ZFHX3: variants seen among roughly 807,000 people sequenced by gnomAD.
ZFHX3 encodes zinc finger homeobox protein 3.
In ZFHX3, 42 loss-of-function variants were observed where a neutral mutation model predicts 279.1. The ratio of observed to expected loss-of-function variants is 0.15; its 90% CI spans 0.12 to 0.19. The LOEUF (loss-of-function observed/expected upper bound fraction) is 0.19, where lower values mean the gene tolerates loss of function less well. Ranked by LOEUF, ZFHX3 falls within the 10% of genes least tolerant of loss-of-function variation. The probability of loss-of-function intolerance (pLI) is 1.00; values close to 1 mark genes in which losing one functional copy is unlikely to be tolerated. For synonymous variants in ZFHX3, 2,293 were observed against 1,957.8 expected (o/e 1.17, Z -4.52); for missense variants, 4,981 against 4,754.0 (o/e 1.05, Z -1.40).
At chr16:73,088,195 G>T (rs1398682505) in intron 8 of ZFHX3, among the ~76,000 whole-genome samples, 1 of 151,754 alleles carries the variant, frequency 6.6e-6, no homozygotes, top group Non-Finnish European at 1.5e-5. Context: ...ACCCAGGCTG[G>T]AGCACAGCGG....
At chr16:73,270,314 A>G (rs1249358213) in intron 4 of ZFHX3, among the ~76,000 whole-genome samples, 1 of 152,212 alleles carries the variant, frequency 6.6e-6, no homozygotes, top group Non-Finnish European at 1.5e-5. Flanking sequence ...AACTTATTTT[A>G]GTGGGAATTT....
chr16:72,897,621 T>C (rs2038931540), intron 3 of ZFHX3, among the ~76,000 whole-genome samples: 1 of 152,134 alleles, frequency 6.6e-6, no homozygotes, highest in Non-Finnish European at 1.5e-5. Context: ...TTAAATTTTT[T>C]GTAGAGACAG....
intron 1 of ZFHX3, among the ~76,000 whole-genome samples, chr16:73,762,482 T>C (rs1212987645): frequency 1.3e-5 from 2 of 152,180 alleles, no homozygotes; most frequent in African/African-American, 4.8e-5. Flanking sequence ...ACTGGGAATA[T>C]AACCAAAGTA....
chr16:73,859,437 A>G (rs1406893409), intron 1 of ZFHX3, among the ~76,000 whole-genome samples: 1 of 152,202 alleles, frequency 6.6e-6, no homozygotes, highest in East Asian at 1.9e-4. Flanking sequence ...GCCACCTGGT[A>G]CAAGGGGAAG....
intron 4 of ZFHX3, among the ~76,000 whole-genome samples, chr16:72,854,334 A>C (rs2037695577): frequency 6.6e-6 from 1 of 152,150 alleles, no homozygotes; most frequent in Non-Finnish European, 1.5e-5. Context: ...TCACTTCTAT[A>C]CCGAAAGAAA....
chr16:73,763,439 C>T (rs2053894236), intron 1 of ZFHX3, among the ~76,000 whole-genome samples: 1 of 152,134 alleles, frequency 6.6e-6, no homozygotes, highest in South Asian at 2.1e-4. Context: ...AATGATTCTG[C>T]CAAGCAGGAA....
At chr16:73,780,754 A>C (rs1478560726) in intron 1 of ZFHX3, among the ~76,000 whole-genome samples, 2 of 152,170 alleles carry the variant, frequency 1.3e-5, no homozygotes, top group Non-Finnish European at 2.9e-5. Flanking sequence ...ATTGCAGTTG[A>C]ATTCTGATGC....
At chr16:73,186,162 A>C (rs1967903246) in intron 5 of ZFHX3, among the ~76,000 whole-genome samples, 1 of 152,088 alleles carries the variant, frequency 6.6e-6, no homozygotes, top group Admixed American at 6.5e-5. Context: ...AAGTTGTATA[A>C]TTCATTATAT....
chr16:72,797,993 G>C lies in ZFHX3; in HGVS notation c.4689C>G (p.His1563Gln), dbSNP rs1402135346. The change falls in exon 9 of 10, where the codon CAC (histidine) becomes CAG (glutamine). Residue 1563 changes from histidine (H) to glutamine (Q), a missense_variant. Transcript: ENST00000268489. ...SFTQKNILLV[H>Q]YNSVSHLHKL... is the part of the protein sequence containing the mutation. ...TATGCAGGTGGGAGACAGAATTGTA[G>C]TGTACTAGCAGGATATTCTTTTGAG... is the stretch of plus-strand genomic sequence containing the variant. The C allele has an allele frequency of 6.2e-7, 1 of 1,614,106 alleles. No individual in the cohort carries two copies.
chr16:73,017,685 T>C (rs998263888), intron 1 of ZFHX3, among the ~76,000 whole-genome samples: 5 of 151,990 alleles, frequency 3.3e-5, no homozygotes, highest in Non-Finnish European at 5.9e-5. Context: ...TTTGCTAGCT[T>C]AGCACCCCAC....
chr16:73,682,997 AAGAAAGAAAGAAAGAGAAAGG>A (rs2053041661), intron 1 of ZFHX3, among the ~76,000 whole-genome samples: 1 of 83,606 alleles, frequency 1.2e-5, no homozygotes, highest in African/African-American at 3.1e-5. Context: ...AAAGAAAAGA[AAGAAAGAAAGAAAGAGAAAGG>A]AGGGAGGGAG....
At chr16:73,136,805 G>T (rs1425978172) in intron 6 of ZFHX3, among the ~76,000 whole-genome samples, 2 of 151,206 alleles carry the variant, frequency 1.3e-5, no homozygotes. Context: ...CAATTCTAGG[G>T]GTGCAGGGAA....
intron 1 of ZFHX3, among the ~76,000 whole-genome samples, chr16:72,995,045 T>C (rs1458472356): frequency 1.3e-5 from 2 of 152,174 alleles, no homozygotes; most frequent in African/African-American, 2.4e-5. Flanking sequence ...TAACGCCCCA[T>C]TTAGTCCAAT....
At chr16:73,220,220 G>C (rs947147578) in intron 5 of ZFHX3, among the ~76,000 whole-genome samples, 6 of 152,138 alleles carry the variant, frequency 3.9e-5, no homozygotes, top group Admixed American at 2.0e-4. Context: ...AGGGGGCAAG[G>C]GTTGAAAAAC....
chr16:72,826,677 G>A (rs1000864332), intron 5 of ZFHX3, among the ~76,000 whole-genome samples: 3 of 152,074 alleles, frequency 2.0e-5, no homozygotes, highest in Non-Finnish European at 2.9e-5. Flanking sequence ...TGCAGGAGTC[G>A]GGAAAGAATT....
rs368442624 is a variant in ZFHX3, at chr16:73,797,216, AAACAAC to A, written c.-1608+94429_-1608+94434del. On this transcript the variant is annotated intron_variant, in intron 1 of 17. Transcript: ENST00000641206. ...GAAACTCTATCTCAAAAAAACAAAC[AAACAAC>A]AACAACAACAACAAAACAGAAGTAG... Among the ~76,000 whole-genome samples, 5 of 150,962 alleles carry A rather than the reference AAACAAC, an allele frequency of 3.3e-5. No individual in the cohort carries two copies. In the East Asian group the frequency reaches 5.8e-4, roughly 18 times the overall value.
intron 5 of ZFHX3, among the ~76,000 whole-genome samples, chr16:73,184,893 C>T (rs896476603): frequency 1.3e-5 from 2 of 152,098 alleles, no homozygotes; most frequent in African/African-American, 4.8e-5. Flanking sequence ...GATTATCTCC[C>T]GTGTGTGAAA....
intron 4 of ZFHX3, among the ~76,000 whole-genome samples, chr16:73,295,727 GA>G (rs373537218): frequency 2.3e-4 from 35 of 152,356 alleles, no homozygotes; most frequent in African/African-American, 8.4e-4. Flanking sequence ...CTGGACAGGG[GA>G]TGGATGAGAA....
At chr16:73,614,947 A>T (rs1339181330) in intron 2 of ZFHX3, among the ~76,000 whole-genome samples, 1 of 151,894 alleles carries the variant, frequency 6.6e-6, no homozygotes, top group East Asian at 1.9e-4. Flanking sequence ...TTTGGTAGAG[A>T]TGGGGTTTTG....
Sources: allele counts gnomAD v4.1 joint callset (sites outside exome capture counted in the v4.1 genomes callset), GRCh38; gene constraint gnomAD v4.1.1; transcripts MANE v1.5; gene names NCBI Gene and HGNC (gene_info 2026-07-23, HGNC 2026-07-21).